ULK4: variants seen among roughly 807,000 people sequenced by gnomAD.
ULK4 encodes unc-51 like kinase 4, also known as inactive serine/threonine-protein kinase ULK4.
ULK4 carries 133 observed loss-of-function variants against 160.6 expected under a neutral mutation model. That is an observed-to-expected ratio of 0.83 (90% CI 0.72 to 0.96). ULK4 has a LOEUF of 0.96. Ranked by LOEUF, ULK4 falls within the 40% of genes least tolerant of loss-of-function variation. The probability of loss-of-function intolerance (pLI) is 0.00; values close to 1 mark genes in which losing one functional copy is unlikely to be tolerated. For missense variants in ULK4, 1,580 were observed against 1,499.5 expected, an observed-to-expected ratio of 1.05 and a Z score of -0.89; for synonymous variants, 534 against 539.8, an observed-to-expected ratio of 0.99 and a Z score of 0.15.
At chr3:41,556,359 C>G (rs7647782) in intron 32 of ULK4, among the ~76,000 whole-genome samples, 77,575 of 151,768 alleles carry the variant, frequency 0.51, 19,917 homozygotes, top group Middle Eastern at 0.58. Flanking sequence ...CTCTAAAAGA[C>G]ATGGAAAATT....
chr3:41,333,632 A>G (rs1033943893), intron 35 of ULK4, among the ~76,000 whole-genome samples: 3 of 152,124 alleles, frequency 2.0e-5, no homozygotes, highest in Admixed American at 6.6e-5. Context: ...TTAGTCTAAA[A>G]CATTTCTTTT....
chr3:41,308,013 G>A (rs756556475), intron 35 of ULK4, among the ~76,000 whole-genome samples: 23 of 152,012 alleles, frequency 1.5e-4, no homozygotes, highest in African/African-American at 3.6e-4. Context: ...AAGAAGAAAC[G>A]TGAAAACAAC....
intron 17 of ULK4, among the ~76,000 whole-genome samples, chr3:41,850,512 T>A (rs2042183240): frequency 6.6e-6 from 1 of 151,944 alleles, no homozygotes; most frequent in African/African-American, 2.4e-5. Context: ...TTCTAACTGG[T>A]GTGAGATGGT....
At chr3:41,751,558 T>C (rs1257657043) in intron 22 of ULK4, among the ~76,000 whole-genome samples, 3 of 152,168 alleles carry the variant, frequency 2.0e-5, no homozygotes, top group Non-Finnish European at 4.4e-5. Context: ...GTCAGGGGCA[T>C]GCCTTCAGAC....
At chr3:41,844,927 T>G (rs1327158082) in intron 17 of ULK4, among the ~76,000 whole-genome samples, 1 of 151,978 alleles carries the variant, frequency 6.6e-6, no homozygotes, top group Non-Finnish European at 1.5e-5. Context: ...TTTATAGCAA[T>G]TTTATTTGTA....
At chr3:41,503,219 G>C (rs949167119) in intron 32 of ULK4, among the ~76,000 whole-genome samples, 2 of 152,200 alleles carry the variant, frequency 1.3e-5, no homozygotes, top group African/African-American at 4.8e-5. Context: ...TTCAACTTCA[G>C]TCTTCTAGAA....
intron 2 of ULK4, among the ~76,000 whole-genome samples, chr3:41,948,313 T>C (rs1290036439): frequency 6.6e-6 from 1 of 152,018 alleles, no homozygotes; most frequent in Non-Finnish European, 1.5e-5. Context: ...TCACTGGGCA[T>C]GGTAATGTGC....
chr3:41,629,348 C>T (rs1019877351), intron 30 of ULK4, among the ~76,000 whole-genome samples: 3 of 152,192 alleles, frequency 2.0e-5, no homozygotes, highest in Admixed American at 6.5e-5. Context: ...ATTCTGTTGA[C>T]TGGAGCATCT....
intron 35 of ULK4, among the ~76,000 whole-genome samples, chr3:41,291,967 A>C (rs1268271452): frequency 1.3e-5 from 2 of 151,754 alleles, no homozygotes; most frequent in Admixed American, 1.3e-4. Flanking sequence ...AGTAGCTGGG[A>C]CTACAGGCCC....
chr3:41,592,745 A>T (rs149638587), intron 31 of ULK4, among the ~76,000 whole-genome samples: 270 of 152,336 alleles, frequency 1.8e-3, no homozygotes, highest in African/African-American at 6.1e-3. Context: ...ACTTATGAAG[A>T]GTAGTTAAAA....
intron 18 of ULK4, 109 bp downstream of exon 18, chr3:41,835,755 G>A (rs1027969542): frequency 2.5e-5 from 17 of 680,002 alleles, no homozygotes; most frequent in Admixed American, 2.1e-4. Context: ...AGTTCCTCAG[G>A]CGTGCTCTAA....
chr3:41,485,821 C>T (rs972001122), intron 32 of ULK4, among the ~76,000 whole-genome samples: 5 of 152,206 alleles, frequency 3.3e-5, no homozygotes, highest in Admixed American at 6.5e-5. Context: ...TGAAGTCACA[C>T]TGAAATCAAT....
At chr3:41,662,464 C>T (rs1575543421) in intron 30 of ULK4, among the ~76,000 whole-genome samples, 1 of 152,256 alleles carries the variant, frequency 6.6e-6, no homozygotes, top group East Asian at 1.9e-4. Context: ...AATCTATGTG[C>T]CCTGACACAC....
At chr3:41,815,333 T>C (rs1456544736) in intron 19 of ULK4, among the ~76,000 whole-genome samples, 1 of 152,268 alleles carries the variant, frequency 6.6e-6, no homozygotes, top group East Asian at 1.9e-4. Flanking sequence ...TTTGTATTTC[T>C]TCGTGTCTTT....
intron 32 of ULK4, among the ~76,000 whole-genome samples, chr3:41,540,064 T>G (rs1451174765): frequency 6.6e-6 from 1 of 152,120 alleles, no homozygotes; most frequent in Non-Finnish European, 1.5e-5. Context: ...GAAAACAGTG[T>G]TTTTTATTTA....
chr3:41,742,302 C>A (rs376802756), intron 22 of ULK4, among the ~76,000 whole-genome samples: 1 of 151,938 alleles, frequency 6.6e-6, no homozygotes, highest in East Asian at 1.9e-4. Context: ...GTCTATAAGA[C>A]CCAGCAGAGG....
At chr3:41,961,646 G>A (rs946380126) in intron 1 of ULK4, among the ~76,000 whole-genome samples, 3 of 150,608 alleles carry the variant, frequency 2.0e-5, no homozygotes, top group African/African-American at 7.4e-5. Flanking sequence ...CAGTCCGCGA[G>A]ACCGGCTGGG....
At chr3:41,491,819 G>A (rs1696085158) in intron 32 of ULK4, among the ~76,000 whole-genome samples, 2 of 151,588 alleles carry the variant, frequency 1.3e-5, no homozygotes, top group Non-Finnish European at 2.9e-5. Flanking sequence ...CCATGTTGGT[G>A]TGCTGCACCC....
Position 41,908,125 on chromosome 3 carries a change from G to C in ULK4, c.1086-184C>G, listed in dbSNP as rs567312690. On this transcript the variant is annotated intron_variant, in intron 11 of 36. Coordinates refer to ENST00000301831, the MANE Select transcript of ULK4 (RefSeq NM_017886.4). ...TTTTATAACTGCTATTAATTTCCTG[G>C]CTAATGTATTATTTCTTTTATTTAT... 2.6e-5 allele frequency among the ~76,000 whole-genome samples: 4 copies of C among 151,960 alleles called. No homozygotes were observed. In the South Asian group the frequency reaches 6.3e-4, roughly 24 times the overall value.
Sources: gnomAD v4.1 joint callset for allele counts (sites outside exome capture counted in the v4.1 genomes callset) on GRCh38, gnomAD v4.1.1 for gene constraint, MANE v1.5 for transcripts, NCBI Gene and HGNC (gene_info 2026-07-23, HGNC 2026-07-21) for gene names.